Variants in ZNF320 observed in about 807,000 individuals in gnomAD.
The protein encoded by ZNF320 is zinc finger gene 320.
In ZNF320, 2 loss-of-function variants were observed where a neutral mutation model predicts 6.8. The ratio of observed to expected loss-of-function variants is 0.29; its 90% CI spans 0.12 to 0.93. The LOEUF (loss-of-function observed/expected upper bound fraction) is 0.93, where lower values mean the gene tolerates loss of function less well. ZNF320 is among the 40% of genes least tolerant of loss of function. ZNF320 has a pLI of 0.55. For synonymous variants in ZNF320, 208 were observed against 203.2 expected (o/e 1.02, Z -0.20); for missense variants, 472 against 611.0 (o/e 0.77, Z 2.40).
At chr19:52,871,868 G>A (rs2063686663), downstream of ZNF320, among the ~76,000 whole-genome samples, 10 of 152,106 alleles carry the variant, frequency 6.6e-5, no homozygotes, top group Admixed American at 6.6e-4. Context: ...TGGACCAGAG[G>A]GATTTAAATT....
At chr19:52,861,180 A>G (rs966901816) in exon 6 of ZNF320, among the ~76,000 whole-genome samples, 4 of 152,238 alleles carry the variant, frequency 2.6e-5, no homozygotes, top group African/African-American at 4.8e-5. Flanking sequence ...GCAGAATACA[A>G]TATCAGCAGC....
upstream of ZNF320, among the ~76,000 whole-genome samples, chr19:52,901,730 A>C (rs1320508587): frequency 3.9e-5 from 6 of 152,150 alleles, no homozygotes; most frequent in African/African-American, 1.4e-4. Context: ...TTATTTATTA[A>C]AGGGACTTTA....
intron 5 of ZNF320, among the ~76,000 whole-genome samples, chr19:52,869,956 T>C (rs528525635): frequency 1.7e-3 from 253 of 151,688 alleles, no homozygotes; most frequent in African/African-American, 5.9e-3. Context: ...GACCTCGTGA[T>C]CCACCCGCCT....
At chr19:52,866,637 A>G (rs1029026463) in intron 5 of ZNF320, among the ~76,000 whole-genome samples, 11 of 152,102 alleles carry the variant, frequency 7.2e-5, no homozygotes, top group African/African-American at 2.4e-4. Context: ...TTGGGAGGCC[A>G]AGGAGGGAGG....
intron 4 of ZNF320, among the ~76,000 whole-genome samples, chr19:52,888,893 G>T (rs1022760700): frequency 4.6e-5 from 7 of 152,038 alleles, no homozygotes; most frequent in Non-Finnish European, 1.0e-4. Context: ...AATATAAAAA[G>T]TAGCAAGTTT....
intron 4 of ZNF320, among the ~76,000 whole-genome samples, chr19:52,889,290 T>C (rs2064209263): frequency 6.6e-6 from 1 of 151,808 alleles, no homozygotes; most frequent in Admixed American, 6.6e-5. Context: ...TCTCATCAGA[T>C]CTAGGGAAAC....
At chr19:52,866,019 T>C (rs1036460329) in intron 5 of ZNF320, among the ~76,000 whole-genome samples, 2 of 118,332 alleles carry the variant, frequency 1.7e-5, no homozygotes, top group African/African-American at 6.7e-5. Flanking sequence ...TTATATATTA[T>C]ACATATTTAT....
At chr19:52,867,842 C>A (rs35196412) in intron 5 of ZNF320, among the ~76,000 whole-genome samples, 29,803 of 151,840 alleles carry the variant, frequency 0.2, 3,044 homozygotes, top group Non-Finnish European at 0.22. Flanking sequence ...GAAGTCCTGA[C>A]CTCAGGTGAT....
Position 52,865,475 on chromosome 19 carries a change from T to TATATATATTAC in ZNF320, c.224-1317_224-1316insGTAATATATAT, listed in dbSNP as rs1568692748. The TATATATATTAC allele has an allele frequency of 2.2e-3, 87 of 40,300 alleles. 1 individual carries two copies. Among genetic ancestry groups the TATATATATTAC allele is most frequent in the African/African-American group, 8.9e-3 (82 of 9,168 alleles). 2.5% of individuals were successfully genotyped at this position (40,300 alleles called of 1,614,324 possible). A position where few individuals can be genotyped will look rare whatever the true frequency, so the allele number is the denominator to read the frequency against. ...ATGTAATACATATATATATATTACA[T>TATATATATTAC]ATATATATAATACATATATATTATA... On this transcript the variant is annotated intron_variant, in intron 5 of 5. Coordinates refer to the ZNF320 transcript ENST00000673631.
At chr19:52,869,092 T>C (rs2063632659) in intron 5 of ZNF320, among the ~76,000 whole-genome samples, 3 of 151,998 alleles carry the variant, frequency 2.0e-5, no homozygotes, top group Admixed American at 2.0e-4. Flanking sequence ...GGAGTGAACT[T>C]TGTGCATGCA....
rs1568692759 is a variant in ZNF320, at chr19:52,865,481, T to TA, written c.224-1323dup. The TA allele has an allele frequency of 1.1e-4, 14 of 122,166 alleles. 1 individual carries two copies. The highest frequency in any genetic ancestry group is 4.2e-4 in the African/African-American group (13 of 31,256). The allele number at this position is 122,166 out of a possible 1,614,324, so 7.6% of individuals were successfully genotyped here. A position where few individuals can be genotyped will look rare whatever the true frequency, so the allele number is the denominator to read the frequency against. On this transcript the variant is annotated intron_variant, in intron 5 of 5. Coordinates refer to the ZNF320 transcript ENST00000673631. ...TACATATATATATATTACATATATA[T>TA]ATAATACATATATATTATACATATA...
At position 52,883,298 on chromosome 19, in the gene ZNF320, G is replaced by T. The variant is rs553736197; in HGVS notation, c.143-1315C>A. Among the ~76,000 whole-genome samples the T allele has an allele frequency of 2.9e-3, 447 of 152,178 alleles. 4 individuals are homozygous for T. Among genetic ancestry groups the T allele is most frequent in the African/African-American group, 0.01 (431 of 41,530 alleles). On this transcript the variant is annotated intron_variant, in intron 5 of 5. Coordinates refer to ENST00000682928, the MANE Select transcript of ZNF320 (RefSeq NM_001351774.2). The stretch of plus-strand genomic sequence containing the variant: ...AACTCCTGTGATCTCGAACTCTGGT[G>T]ATCCACACTTCTCGGCCTCCCAAAG...
chr19:52,869,517 C>T (rs1345682535), intron 5 of ZNF320, among the ~76,000 whole-genome samples: 1 of 151,926 alleles, frequency 6.6e-6, no homozygotes, highest in Non-Finnish European at 1.5e-5. Context: ...CCTGTAATAA[C>T]AATAATAATA....
chr19:52,883,137 G>A (rs1419309485), intron 5 of ZNF320, among the ~76,000 whole-genome samples: 1 of 151,986 alleles, frequency 6.6e-6, no homozygotes, highest in Non-Finnish European at 1.5e-5. Flanking sequence ...CGCCTCCTGG[G>A]TTCAAGCGAG....
At chr19:52,901,642 A>G (rs551856843), upstream of ZNF320, among the ~76,000 whole-genome samples, 73 of 152,258 alleles carry the variant, frequency 4.8e-4, no homozygotes, top group Non-Finnish European at 8.5e-4. Flanking sequence ...GCAAACTTCA[A>G]TGGTTATGTG....
chr19:52,872,862 T>C (rs930796813), downstream of ZNF320, among the ~76,000 whole-genome samples: 1 of 152,090 alleles, frequency 6.6e-6, no homozygotes, highest in Non-Finnish European at 1.5e-5. Flanking sequence ...AGCAGGACTA[T>C]AGGGTGATGG....
At chr19:52,869,843 G>A (rs542616021) in intron 5 of ZNF320, among the ~76,000 whole-genome samples, 1 of 152,078 alleles carries the variant, frequency 6.6e-6, no homozygotes, top group African/African-American at 2.4e-5. Flanking sequence ...AGCCTCCTGA[G>A]TAGCTGGGAC....
chr19:52,884,208 C>T (rs1253583662), intron 5 of ZNF320, among the ~76,000 whole-genome samples: 1 of 152,186 alleles, frequency 6.6e-6, no homozygotes, highest in East Asian at 1.9e-4. Context: ...AAATAAATTT[C>T]TGTGTCTTAA....
the ZNF320 span, among the ~76,000 whole-genome samples, chr19:52,903,079 G>A: frequency 6.6e-6 from 1 of 151,728 alleles, no homozygotes; most frequent in Non-Finnish European, 1.5e-5. Flanking sequence ...TATACACCTT[G>A]TACATAAACT....
Sources: allele counts gnomAD v4.1 joint callset (sites outside exome capture counted in the v4.1 genomes callset), GRCh38; gene constraint gnomAD v4.1.1; transcripts MANE v1.5; gene names NCBI Gene and HGNC (gene_info 2026-07-23, HGNC 2026-07-21).